Variants in GPR158 observed in about 807,000 individuals in gnomAD.
GPR158 encodes the protein G protein-coupled receptor 158.
A neutral mutation model predicts 78.2 loss-of-function variants in GPR158; 30 were observed. The observed-to-expected ratio is 0.38, with a 90% CI of 0.29 to 0.52. The LOEUF (loss-of-function observed/expected upper bound fraction) is 0.52. GPR158 is among the 20% of genes least tolerant of loss of function. The probability of loss-of-function intolerance (pLI) is 0.83; values close to 1 mark genes in which losing one functional copy is unlikely to be tolerated. For synonymous variants in GPR158, 581 were observed against 591.1 expected (o/e 0.98, Z 0.25); for missense variants, 1,463 against 1,523.5 (o/e 0.96, Z 0.66).
At chr10:25,207,637 C>A (rs973590140) in intron 1 of GPR158, among the ~76,000 whole-genome samples, 3 of 152,152 alleles carry the variant, frequency 2.0e-5, no homozygotes, top group Non-Finnish European at 4.4e-5. Context: ...GCTCACTCAC[C>A]TGCTGCTCAC....
intron 1 of GPR158, among the ~76,000 whole-genome samples, chr10:25,200,630 C>G (rs1314496945): frequency 6.6e-6 from 1 of 151,972 alleles, no homozygotes; most frequent in Admixed American, 6.6e-5. Flanking sequence ...TTTTTATAGT[C>G]TTAGGTTTTA....
intron 2 of GPR158, among the ~76,000 whole-genome samples, chr10:25,262,661 C>T (rs973972344): frequency 6.6e-6 from 1 of 152,164 alleles, no homozygotes; most frequent in Non-Finnish European, 1.5e-5. Flanking sequence ...GAACCTCCCC[C>T]ACTGTCTACA....
At position 25,601,167 on chromosome 10, in the gene GPR158, A is replaced by G. The variant is rs1323638582; in HGVS notation, c.*1893A>G. On this transcript the variant is annotated 3_prime_UTR_variant, in exon 11 of 11. Coordinates refer to ENST00000376351, the MANE Select transcript of GPR158 (RefSeq NM_020752.3). ...GGTAAAAACAGAATTCTCCATATTCATCATCAAATTTTTCTCAGTGATTTT... is the reference window on the plus strand; with the variant it reads ...GGTAAAAACAGAATTCTCCATATTCGTCATCAAATTTTTCTCAGTGATTTT... 6.6e-6 allele frequency: 1 copy of G among 152,660 alleles called. No homozygotes were observed. Among genetic ancestry groups the G allele is most frequent in the Non-Finnish European group, 1.5e-5 (1 of 68,048 alleles). 9.5% of individuals were successfully genotyped at this position (152,660 alleles called of 1,614,324 possible).
At chr10:25,454,912 A>G (rs1835270506) in intron 4 of GPR158, among the ~76,000 whole-genome samples, 1 of 152,104 alleles carries the variant, frequency 6.6e-6, no homozygotes, top group Non-Finnish European at 1.5e-5. Flanking sequence ...TTTCCATTTC[A>G]TCATTTATTT....
intron 2 of GPR158, among the ~76,000 whole-genome samples, chr10:25,370,739 C>T (rs531908265): frequency 1.3e-4 from 20 of 151,110 alleles, no homozygotes; most frequent in African/African-American, 4.6e-4. Flanking sequence ...CTTTCTGTCT[C>T]GTTGATCTGT....
chr10:25,595,849 T>G (rs1476408486), intron 9 of GPR158, among the ~76,000 whole-genome samples: 1 of 152,204 alleles, frequency 6.6e-6, no homozygotes, highest in Non-Finnish European at 1.5e-5. Context: ...TACCAAGAAC[T>G]GACATATACA....
chr10:25,215,786 G>C (rs1414188245), intron 1 of GPR158, among the ~76,000 whole-genome samples: 4 of 152,220 alleles, frequency 2.6e-5, no homozygotes, highest in Admixed American at 2.6e-4. Flanking sequence ...AGTGGGCTGA[G>C]ATCGTGCCAC....
intron 1 of GPR158, among the ~76,000 whole-genome samples, chr10:25,179,565 T>C (rs1387193025): frequency 6.6e-6 from 1 of 152,172 alleles, no homozygotes; most frequent in Admixed American, 6.5e-5. Context: ...AAATATCTTC[T>C]TATATTGCTG....
intron 4 of GPR158, among the ~76,000 whole-genome samples, chr10:25,452,912 C>T (rs184516890): frequency 1.3e-5 from 2 of 152,288 alleles, no homozygotes; most frequent in East Asian, 1.9e-4. Flanking sequence ...CCTGCAGCCA[C>T]CATTCTACTC....
chr10:25,436,138 A>T (rs1834994391), intron 4 of GPR158, among the ~76,000 whole-genome samples: 1 of 152,234 alleles, frequency 6.6e-6, no homozygotes, highest in South Asian at 2.1e-4. Context: ...ATCCCTAGTT[A>T]AACTTGATTT....
intron 1 of GPR158, among the ~76,000 whole-genome samples, chr10:25,212,447 G>T (rs1853144923): frequency 6.6e-6 from 1 of 152,002 alleles, no homozygotes; most frequent in Non-Finnish European, 1.5e-5. Flanking sequence ...CCCCCACCAG[G>T]CCCCACCTCC....
chr10:25,599,574 G>T lies in GPR158; in HGVS notation c.*300G>T. The stretch of plus-strand genomic sequence containing the variant: ...TGCCCTGATCAATATGTATCCATGG[G>T]ACTTTGAAGATCCTAAGCCAGGTAA... On this transcript the variant is annotated 3_prime_UTR_variant, in exon 11 of 11. Transcript: ENST00000376351. 1 of 272,986 alleles carries T rather than the reference G, an allele frequency of 3.7e-6. No homozygotes were observed. The highest frequency in any genetic ancestry group is 6.9e-6 in the Non-Finnish European group (1 of 145,044). 16.9% of individuals were successfully genotyped at this position (272,986 alleles called of 1,614,324 possible).
chr10:25,424,465 A>G (rs1044646224), intron 4 of GPR158, among the ~76,000 whole-genome samples: 7 of 151,586 alleles, frequency 4.6e-5, no homozygotes, highest in East Asian at 1.9e-4. Context: ...GCCCATGCCT[A>G]TGTCCTGAAT....
chr10:25,351,065 A>T (rs542852456), intron 2 of GPR158, among the ~76,000 whole-genome samples: 1 of 152,104 alleles, frequency 6.6e-6, no homozygotes, highest in Non-Finnish European at 1.5e-5. Flanking sequence ...TCCTTCGCAG[A>T]AGAGGTGACA....
chr10:25,506,088 A>T (rs1836009155), intron 5 of GPR158, among the ~76,000 whole-genome samples: 1 of 152,178 alleles, frequency 6.6e-6, no homozygotes, highest in African/African-American at 2.4e-5. Context: ...GAACAACTCG[A>T]CACTAGGTTC....
chr10:25,406,458 C>T, intron 3 of GPR158, among the ~76,000 whole-genome samples: 1 of 152,042 alleles, frequency 6.6e-6, no homozygotes, highest in East Asian at 1.9e-4. Flanking sequence ...ATCACTCTAC[C>T]TTTGGTCAAC....
intron 2 of GPR158, among the ~76,000 whole-genome samples, chr10:25,281,780 G>A (rs1234257002): frequency 3.3e-5 from 5 of 152,026 alleles, no homozygotes; most frequent in Non-Finnish European, 7.4e-5. Context: ...AGCAGAATTA[G>A]TGAAATAGAA....
intron 2 of GPR158, among the ~76,000 whole-genome samples, chr10:25,230,448 C>T (rs999727287): frequency 3.9e-5 from 6 of 152,114 alleles, no homozygotes; most frequent in Admixed American, 6.6e-5. Flanking sequence ...TTTCAGTTCT[C>T]ATACATTAAA....
Position 25,597,925 on chromosome 10 carries a change from C to T in GPR158, c.2299C>T (p.Arg767Trp), listed in dbSNP as rs190119414. The stretch of plus-strand genomic sequence containing the variant: ...TACGGAGATCCCAGAGACAGTCAGC[C>T]GGCAGTGCTCTAAAGAGGACAAGGA... ...RITEIPETVS[R>W]QCSKEDKEGA... The change falls in exon 11 of 11, where the codon CGG (arginine) becomes TGG (tryptophan). Residue 767 changes from arginine to tryptophan, a missense_variant. By Grantham distance (101) the Arg-to-Trp change is moderately radical. Coordinates refer to ENST00000376351, the MANE Select transcript of GPR158 (RefSeq NM_020752.3). 1.1e-4 allele frequency: 183 copies of T among 1,612,528 alleles called. No homozygotes were observed. In the Middle Eastern group the frequency reaches 2.0e-3, roughly 18 times the overall value.
Sources: gnomAD v4.1 joint callset for allele counts (sites outside exome capture counted in the v4.1 genomes callset) on GRCh38, gnomAD v4.1.1 for gene constraint, MANE v1.5 for transcripts, NCBI Gene and HGNC (gene_info 2026-07-23, HGNC 2026-07-21) for gene names.